Variants in FGD6 observed in about 807,000 individuals in gnomAD.
The protein encoded by FGD6 is FYVE, RhoGEF and PH domain containing 6, also known as FYVE, RhoGEF and PH domain-containing protein 6.
In FGD6, 90 loss-of-function variants were observed where a neutral mutation model predicts 149.4. The ratio of observed to expected loss-of-function variants is 0.60; its 90% CI spans 0.51 to 0.72. FGD6 has a LOEUF of 0.72. Ranked by LOEUF, FGD6 falls within the 30% of genes least tolerant of loss-of-function variation. The pLI is 0.00. For synonymous variants in FGD6, 527 were observed against 584.0 expected (o/e 0.90, Z 1.41); for missense variants, 1,437 against 1,684.8 (o/e 0.85, Z 2.57).
In FGD6 at chr12:95,079,031, A is replaced by T. The variant is rs544139137; in HGVS notation, c.*2489T>A. 2.7e-4 allele frequency: 41 copies of T among 152,316 alleles called. No homozygotes were observed. The highest frequency in any genetic ancestry group is 8.7e-4 in the African/African-American group (36 of 41,574). The allele number at this position is 152,316 out of a possible 1,614,324, so 9.4% of individuals were successfully genotyped here. A position where few individuals can be genotyped will look rare whatever the true frequency, so the allele number is the denominator to read the frequency against. On this transcript the variant is annotated 3_prime_UTR_variant, in exon 21 of 21. Coordinates refer to ENST00000343958, the MANE Select transcript of FGD6 (RefSeq NM_018351.4). ...CTGTGCCCAATATCATTTTTCCTCT[A>T]AAATACTAGCAAAATATATTTTTAT...
chr12:95,148,646 TATATTATATATTATATAATACATA>T (rs1880105254), intron 5 of FGD6, among the ~76,000 whole-genome samples: 1 of 115,146 alleles, frequency 8.7e-6, no homozygotes, highest in Non-Finnish European at 1.6e-5. Context: ...TTATATTATA[TATATTATATATTATATAATACATA>T]GCATATGTTA....
At chr12:95,126,065 C>A in intron 8 of FGD6, 1 of 1,214,618 alleles carries the variant, frequency 8.2e-7, no homozygotes, top group Non-Finnish European at 1.2e-6. Flanking sequence ...AAAGGAAAGC[C>A]AAGATGACAG....
At chr12:95,189,675 A>C (rs1227459582) in intron 2 of FGD6, 1 of 148,162 alleles carries the variant, frequency 6.7e-6, no homozygotes, top group African/African-American at 2.5e-5. Context: ...AAAAAAAAGA[A>C]TCTAGTAAGG....
intron 8 of FGD6, among the ~76,000 whole-genome samples, chr12:95,131,175 G>A (rs1031300358): frequency 6.7e-6 from 1 of 148,910 alleles, no homozygotes; most frequent in Non-Finnish European, 1.5e-5. Context: ...GCAATGGTGC[G>A]ATCTCAGCTC....
intron 2 of FGD6, among the ~76,000 whole-genome samples, chr12:95,174,197 A>T (rs556422883): frequency 6.6e-6 from 1 of 152,098 alleles, no homozygotes; most frequent in Non-Finnish European, 1.5e-5. Flanking sequence ...CACTGGCAGG[A>T]TTCACTGTCT....
Position 95,156,279 on chromosome 12 carries a change from C to T in FGD6, c.2587-3286G>A, listed in dbSNP as rs1394020059. ...TTTCAAAAGCAAATGGGAGAAATATCGCTGAATTCTTTTTCTCAGCAAGGA... is the reference window on the plus strand; with the variant it reads ...TTTCAAAAGCAAATGGGAGAAATATTGCTGAATTCTTTTTCTCAGCAAGGA... On this transcript the variant is annotated intron_variant, in intron 3 of 20. Coordinates refer to ENST00000343958, the MANE Select transcript of FGD6 (RefSeq NM_018351.4). Among the ~76,000 whole-genome samples the T allele has an allele frequency of 7.9e-5, 12 of 152,146 alleles. 1 individual carries two copies. Among genetic ancestry groups the T allele is most frequent in the Admixed American group, 5.9e-4 (9 of 15,268 alleles).
chr12:95,217,079 C>A (rs1392323470), intron 1 of FGD6, 146 bp downstream of exon 1: 5 of 1,237,230 alleles, frequency 4.0e-6, no homozygotes, highest in Non-Finnish European at 5.6e-6. Context: ...GGCAGCGAAT[C>A]CCATTAGCTC....
At chr12:95,180,645 G>A (rs1449263846) in intron 2 of FGD6, among the ~76,000 whole-genome samples, 1 of 151,998 alleles carries the variant, frequency 6.6e-6, no homozygotes, top group African/African-American at 2.4e-5. Context: ...TGATCTGCCT[G>A]CCTCAGCCTC....
intron 2 of FGD6, among the ~76,000 whole-genome samples, chr12:95,185,842 C>T (rs139257479): frequency 0.044 from 6,689 of 152,208 alleles, 204 homozygotes; most frequent in Middle Eastern, 0.099. Flanking sequence ...GCCTGGGCAA[C>T]AGCGCAAGAC....
intron 20 of FGD6, among the ~76,000 whole-genome samples, chr12:95,083,030 T>TACACACACACACAC (rs1555215606): frequency 2.1e-4 from 12 of 56,564 alleles, no homozygotes; most frequent in African/African-American, 8.9e-4. Flanking sequence ...TATATATATA[T>TACACACACACACAC]ACACACACAT....
Position 95,134,800 on chromosome 12 carries a change from G to A in FGD6, c.3021C>T (p.Ala1007=). Residue 1007 remains alanine (A), a synonymous_variant, in exon 8 of 21, where the codon GCC becomes GCT. Coordinates refer to ENST00000343958, the MANE Select transcript of FGD6 (RefSeq NM_018351.4). ...FEMSPRCANL[A]LKHYLLKPVQ... ...CCGGCTTGAGCAGGTAGTGCTTGAG[G>A]GCCAGATTAGCACAGCGAGGGCTCA... 6.2e-7 allele frequency: 1 copy of A among 1,613,764 alleles called. No individual in the cohort carries two copies.
intron 6 of FGD6, among the ~76,000 whole-genome samples, chr12:95,138,290 T>C (rs530625852): frequency 6.6e-6 from 1 of 152,086 alleles, no homozygotes; most frequent in South Asian, 2.1e-4. Flanking sequence ...ACGCCTGTAA[T>C]CCCAGCATTT....
intron 14 of FGD6, among the ~76,000 whole-genome samples, chr12:95,098,131 T>G (rs1329300669): frequency 6.6e-6 from 1 of 152,158 alleles, no homozygotes; most frequent in Non-Finnish European, 1.5e-5. Context: ...CATTTGGATG[T>G]TGCATATGCA....
At chr12:95,199,639 G>T (rs1185416213) in intron 2 of FGD6, among the ~76,000 whole-genome samples, 1 of 138,954 alleles carries the variant, frequency 7.2e-6, no homozygotes, top group Non-Finnish European at 1.5e-5. Flanking sequence ...TTTTGAGATG[G>T]AGTCTTGCTC....
intron 8 of FGD6, among the ~76,000 whole-genome samples, chr12:95,114,443 T>TACACACACACACACAC (rs60238488): frequency 8.0e-6 from 1 of 125,440 alleles, no homozygotes; most frequent in African/African-American, 3.1e-5. Flanking sequence ...CCATCTCTAC[T>TACACACACACACACAC]ACACACACAC....
At chr12:95,182,739 C>G (rs1367473174) in intron 2 of FGD6, among the ~76,000 whole-genome samples, 1 of 152,154 alleles carries the variant, frequency 6.6e-6, no homozygotes, top group African/African-American at 2.4e-5. Context: ...ATTGAGATAA[C>G]CACAGTAATT....
chr12:95,168,871 A>C (rs1243292899), intron 3 of FGD6, among the ~76,000 whole-genome samples: 1 of 152,224 alleles, frequency 6.6e-6, no homozygotes, highest in Non-Finnish European at 1.5e-5. Context: ...CAGAGCTAGT[A>C]AGTGGTGGGA....
intron 2 of FGD6, among the ~76,000 whole-genome samples, chr12:95,194,090 C>T (rs942790076): frequency 4.0e-5 from 6 of 151,884 alleles, no homozygotes; most frequent in South Asian, 4.2e-4. Context: ...TGTACCATCA[C>T]GTTTTTAAAT....
At chr12:95,140,884 T>C (rs1415291124) in intron 6 of FGD6, among the ~76,000 whole-genome samples, 1 of 152,138 alleles carries the variant, frequency 6.6e-6, no homozygotes, top group African/African-American at 2.4e-5. Context: ...TTTAAAATAA[T>C]AGTATTGAGC....
Sources: allele counts gnomAD v4.1 joint callset (sites outside exome capture counted in the v4.1 genomes callset), GRCh38; gene constraint gnomAD v4.1.1; transcripts MANE v1.5; gene names NCBI Gene and HGNC (gene_info 2026-07-23, HGNC 2026-07-21).